Variants in DAB1 observed in about 807,000 individuals in gnomAD.
DAB1 encodes disabled homolog 1.
DAB1 carries 15 observed loss-of-function variants against 64.6 expected under a neutral mutation model. The observed-to-expected ratio is 0.23, with a 90% CI of 0.16 to 0.36. DAB1 has a LOEUF of 0.36. DAB1 is among the 10% of genes least tolerant of loss of function. The pLI, the probability that DAB1 is intolerant of heterozygous loss-of-function variation, is 1.00. For missense variants in DAB1, 596 were observed against 706.7 expected (o/e 0.84, Z 1.78); for synonymous variants, 235 against 251.9 (o/e 0.93, Z 0.64).
intron 3 of DAB1, among the ~76,000 whole-genome samples, chr1:58,476,574 C>G (rs1402787229): frequency 6.6e-6 from 1 of 152,060 alleles, no homozygotes; most frequent in African/African-American, 2.4e-5. Flanking sequence ...ATGGGTAGAA[C>G]ACTGACAGAG....
At chr1:58,391,215 C>T (rs184286741) in intron 3 of DAB1, among the ~76,000 whole-genome samples, 3 of 152,292 alleles carry the variant, frequency 2.0e-5, no homozygotes, top group East Asian at 3.9e-4. Flanking sequence ...AGAGAGCTGC[C>T]GGCCAGCAGC....
chr1:57,291,593 T>C (rs902986945), intron 1 of DAB1, among the ~76,000 whole-genome samples: 5 of 152,122 alleles, frequency 3.3e-5, no homozygotes, highest in African/African-American at 1.2e-4. Context: ...GGAAGTAACC[T>C]GTGGTCTGTC....
At chr1:57,228,424 A>T (rs571056452) in intron 2 of DAB1, among the ~76,000 whole-genome samples, 141 of 152,320 alleles carry the variant, frequency 9.3e-4, no homozygotes, top group African/African-American at 3.3e-3. Context: ...AGATATAAAG[A>T]TAAAATTTAG....
chr1:57,277,800 G>A (rs567251403), intron 2 of DAB1, among the ~76,000 whole-genome samples: 5 of 152,192 alleles, frequency 3.3e-5, no homozygotes, highest in South Asian at 2.1e-4. Context: ...CAACAGTCCC[G>A]TACATCATCC....
At chr1:57,419,125 G>A (rs771276507) in intron 1 of DAB1, among the ~76,000 whole-genome samples, 1 of 152,052 alleles carries the variant, frequency 6.6e-6, no homozygotes, top group African/African-American at 2.4e-5. Context: ...AGAATGTCTA[G>A]CTGGCTCATG....
At chr1:58,175,274 C>T (rs897168228) in intron 4 of DAB1, among the ~76,000 whole-genome samples, 11 of 152,276 alleles carry the variant, frequency 7.2e-5, no homozygotes, top group African/African-American at 2.4e-4. Context: ...ACACTCACTG[C>T]GAAGGTCAGT....
intron 5 of DAB1, among the ~76,000 whole-genome samples, chr1:58,126,108 T>C (rs1274964957): frequency 6.6e-6 from 1 of 152,190 alleles, no homozygotes; most frequent in Admixed American, 6.5e-5. Flanking sequence ...CAAACTTATT[T>C]GGTCCTAGAA....
chr1:57,620,180 C>T (rs1264354282), intron 7 of DAB1, among the ~76,000 whole-genome samples: 1 of 152,126 alleles, frequency 6.6e-6, no homozygotes, highest in Non-Finnish European at 1.5e-5. Flanking sequence ...TGAGACTCCG[C>T]CCCGAAAGGA....
intron 9 of DAB1, among the ~76,000 whole-genome samples, chr1:57,057,514 A>G (rs533109533): frequency 1.8e-4 from 28 of 152,214 alleles, no homozygotes; most frequent in African/African-American, 6.5e-4. Context: ...TCAGACAAGT[A>G]TCTGGCAAAT....
At chr1:57,018,340 A>T (rs1216325237) in intron 11 of DAB1, among the ~76,000 whole-genome samples, 1 of 152,156 alleles carries the variant, frequency 6.6e-6, no homozygotes, top group Non-Finnish European at 1.5e-5. Context: ...TTCAGTAGTG[A>T]TTCTACTTAC....
intron 4 of DAB1, chr1:58,228,709 G>A (rs1659622864): frequency 1.8e-6 from 2 of 1,137,570 alleles, no homozygotes; most frequent in African/African-American, 1.6e-5. Flanking sequence ...TTGCCCTGGG[G>A]TTCTTGGACC....
intron 1 of DAB1, among the ~76,000 whole-genome samples, chr1:57,317,774 C>G (rs1205300165): frequency 3.9e-5 from 6 of 152,120 alleles, no homozygotes. Flanking sequence ...GGTACATCAA[C>G]ACTTGAGAAA....
intron 4 of DAB1, among the ~76,000 whole-genome samples, chr1:57,104,025 C>A (rs1423988564): frequency 6.6e-6 from 1 of 152,034 alleles, no homozygotes; most frequent in Non-Finnish European, 1.5e-5. Context: ...GACATGGGGC[C>A]CTGGAGGGTC....
rs530476068 is a variant in DAB1, at chr1:58,335,965, C to T, written n.309+7387G>A. On this transcript the variant is annotated intron_variant and non_coding_transcript_variant, in intron 4 of 20. Coordinates refer to the DAB1 transcript ENST00000485760. ...GGAAAATAGGCAGATGGAAATGAGT[C>T]TGAAAGTCAAAGGAGCTGAAGAAAT... Among the ~76,000 whole-genome samples, 6 of 152,242 alleles carry T rather than the reference C, an allele frequency of 3.9e-5. No individual in the cohort carries two copies. In the East Asian group the frequency reaches 1.2e-3, roughly 29 times the overall value.
At chr1:57,392,512 C>T (rs1016911991) in intron 1 of DAB1, among the ~76,000 whole-genome samples, 1 of 152,160 alleles carries the variant, frequency 6.6e-6, no homozygotes, top group African/African-American at 2.4e-5. Context: ...ATACTCCTTG[C>T]CACCTAAGAC....
intron 2 of DAB1, among the ~76,000 whole-genome samples, chr1:57,213,922 C>T (rs1358943497): frequency 3.9e-5 from 6 of 152,174 alleles, no homozygotes; most frequent in Non-Finnish European, 8.8e-5. Context: ...ATGCTAGGCA[C>T]TGGGGTCTTA....
intron 2 of DAB1, among the ~76,000 whole-genome samples, chr1:57,204,612 T>C (rs1358689969): frequency 6.6e-6 from 1 of 152,200 alleles, no homozygotes; most frequent in Non-Finnish European, 1.5e-5. Flanking sequence ...TTCAATAGCA[T>C]GAACTTAAAG....
At position 58,452,137 on chromosome 1, in the gene DAB1, T is replaced by C. The variant is rs117246587; in HGVS notation, n.257+53923A>G. On this transcript the variant is annotated intron_variant and non_coding_transcript_variant, in intron 3 of 20. Transcript: ENST00000485760. ...TAGTTGAGAGGGGGGTTTCGCCACG[T>C]TGGTCAGGCTGGTCTCGAACTCCTG... Among the ~76,000 whole-genome samples, 222 of 152,098 alleles carry C rather than the reference T, an allele frequency of 1.5e-3. 3 individuals are homozygous for C. The East Asian group carries it at 0.028, about 19-fold the overall frequency.
chr1:58,111,516 A>ATTTGATAT (rs1651962624), intron 5 of DAB1, among the ~76,000 whole-genome samples: 3 of 152,118 alleles, frequency 2.0e-5, no homozygotes, highest in African/African-American at 7.2e-5. Flanking sequence ...TAATAAAGGG[A>ATTTGATAT]TTTGATATTT....
Sources: allele counts gnomAD v4.1 joint callset (sites outside exome capture counted in the v4.1 genomes callset), GRCh38; gene constraint gnomAD v4.1.1; transcripts MANE v1.5; gene names NCBI Gene and HGNC (gene_info 2026-07-23, HGNC 2026-07-21).